DPYSL5: variants seen among roughly 807,000 people sequenced by gnomAD.
DPYSL5 encodes the protein dihydropyrimidinase like 5.
Under a neutral mutation model 58.4 loss-of-function variants are expected in DPYSL5, and 9 were observed. That is an observed-to-expected ratio of 0.15 (90% CI 0.09 to 0.27). The LOEUF (loss-of-function observed/expected upper bound fraction) is 0.27, where lower values mean the gene tolerates loss of function less well. Among genes scored for constraint, DPYSL5 ranks in the 10% least tolerant of loss-of-function variants. The pLI, the probability that DPYSL5 is intolerant of heterozygous loss-of-function variation, is 1.00. For synonymous variants in DPYSL5, 293 were observed against 301.9 expected (o/e 0.97, Z 0.31); for missense variants, 499 against 770.6 (o/e 0.65, Z 4.17).
At chr2:26,937,206 A>AT (rs1193960598) in intron 8 of DPYSL5, among the ~76,000 whole-genome samples, 1 of 152,146 alleles carries the variant, frequency 6.6e-6, no homozygotes, top group Non-Finnish European at 1.5e-5. Flanking sequence ...TCATTGAATA[A>AT]TTTAAGTTTT....
In DPYSL5 at chr2:26,925,756, C is replaced by T. The variant is rs1664816300; in HGVS notation, c.420+711C>T. Among the ~76,000 whole-genome samples the T allele has an allele frequency of 6.7e-6, 1 of 149,968 alleles. No individual in the cohort carries two copies. The highest frequency in any genetic ancestry group is 2.5e-5 in the African/African-American group (1 of 40,740). On this transcript the variant is annotated intron_variant, in intron 3 of 12. Coordinates refer to ENST00000288699, the MANE Select transcript of DPYSL5 (RefSeq NM_020134.4). This position sits in a 1 kb window ranked among gnomAD's most constrained non-coding sequence, Gnocchi z 4.5. ...TGCTCTTCCTAATCTACAGGCATTTCGATTTGGCTTTGTTTCTGGGGTTTT... is the reference window on the plus strand; with the variant it reads ...TGCTCTTCCTAATCTACAGGCATTTTGATTTGGCTTTGTTTCTGGGGTTTT...
chr2:26,931,513 TCTG>T, intron 5 of DPYSL5, 124 bp from the exon 6 acceptor site: 1 of 1,040,898 alleles, frequency 9.6e-7, no homozygotes, highest in Admixed American at 2.2e-5. Context: ...GGTTAGTGCC[TCTG>T]CCCGGGCTTT....
rs1453742947 is a variant in DPYSL5, at chr2:26,931,211, A to G, written c.670-429A>G. Among the ~76,000 whole-genome samples the G allele has an allele frequency of 6.6e-3, 495 of 75,390 alleles. 3 individuals carry two copies. The highest frequency in any genetic ancestry group is 0.014 in the African/African-American group (333 of 23,558). The allele number at this position is 75,390 out of a possible 152,430, so 49.5% of individuals were successfully genotyped here. A position where few individuals can be genotyped will look rare whatever the true frequency, so the allele number is the denominator to read the frequency against. The stretch of plus-strand genomic sequence containing the variant: ...TGTGTGTGTGTGTGTGTGTATATAT[A>G]TATATATATATATATATATGAATTA... On this transcript the variant is annotated intron_variant, in intron 5 of 12. Coordinates refer to ENST00000288699, the MANE Select transcript of DPYSL5 (RefSeq NM_020134.4).
chr2:26,877,876 G>T lies in DPYSL5; in HGVS notation c.-4-20620G>T, dbSNP rs1249529998. Among the ~76,000 whole-genome samples the T allele has an allele frequency of 6.6e-6, 1 of 152,116 alleles. No homozygotes were observed. The highest frequency in any genetic ancestry group is 1.5e-5 in the Non-Finnish European group (1 of 68,030). ...GAGATCTACAGAATCCTTTTCAATG[G>T]CTGCACAGCCCTCTATTGTGTGAAT... is the stretch of plus-strand genomic sequence containing the variant. On this transcript the variant is annotated intron_variant, in intron 1 of 12. Coordinates refer to ENST00000288699, the MANE Select transcript of DPYSL5 (RefSeq NM_020134.4). The surrounding 1 kb of genome is among the most constrained non-coding windows in gnomAD (Gnocchi z 4.1).
At position 26,931,203 on chromosome 2, in the gene DPYSL5, G is replaced by GTATATATATATATATATATATATATA. The variant is rs373034710; in HGVS notation, c.670-435_670-410dup. ...TGTGTGTGTGTGTGTGTGTGTGTGT[G>GTATATATATATATATATATATATATA]TATATATATATATATATATATATAT... On this transcript the variant is annotated intron_variant, in intron 5 of 12. Coordinates refer to ENST00000288699, the MANE Select transcript of DPYSL5 (RefSeq NM_020134.4). Among the ~76,000 whole-genome samples, 34 of 44,910 alleles carry GTATATATATATATATATATATATATA rather than the reference G, an allele frequency of 7.6e-4. 1 individual carries two copies. The highest frequency in any genetic ancestry group is 1.3e-3 in the South Asian group (1 of 788). 29.5% of individuals were successfully genotyped at this position (44,910 alleles called of 152,430 possible).
chr2:26,888,408 T>A (rs1663784500), intron 1 of DPYSL5, among the ~76,000 whole-genome samples: 2 of 151,958 alleles, frequency 1.3e-5, no homozygotes, highest in Admixed American at 6.6e-5. Flanking sequence ...GTAGCTGGGA[T>A]TACAGGTGCG....
Position 26,885,925 on chromosome 2 carries a change from G to A in DPYSL5, c.-4-12571G>A, listed in dbSNP as rs188858274. Among the ~76,000 whole-genome samples the A allele has an allele frequency of 1.5e-3, 226 of 152,308 alleles. 1 individual carries two copies. The highest frequency in any genetic ancestry group is 4.7e-4 in the Non-Finnish European group (32 of 68,028). On this transcript the variant is annotated intron_variant, in intron 1 of 12. Coordinates refer to ENST00000288699, the MANE Select transcript of DPYSL5 (RefSeq NM_020134.4). ...TCTCAGAGCAGTCTTCCTGGATGTC[G>A]ACCCTGGCCTGGGTTGGATAGGAAT... is the stretch of plus-strand genomic sequence containing the variant.
Position 26,877,477 on chromosome 2 carries a change from C to T in DPYSL5, c.-4-21019C>T, listed in dbSNP as rs1663443459. 6.6e-6 allele frequency among the ~76,000 whole-genome samples: 1 copy of T among 152,036 alleles called. No homozygotes were observed. The highest frequency in any genetic ancestry group is 1.5e-5 in the Non-Finnish European group (1 of 68,020). On this transcript the variant is annotated intron_variant, in intron 1 of 12. Coordinates refer to ENST00000288699, the MANE Select transcript of DPYSL5 (RefSeq NM_020134.4). This position sits in a 1 kb window ranked among gnomAD's most constrained non-coding sequence, Gnocchi z 4.1. ...TCTGTGCCTACTACATGTGCTCCAC[C>T]CCACACCTGCTGAGTACATGCTGGG...
At position 26,944,160 on chromosome 2, in the gene DPYSL5, G is replaced by A. The variant is rs1040734632; in HGVS notation, c.1441-496G>A. ...AAAAATTAGTCAGGCACGGTGGCAG[G>A]CGCCTGTAATCCTAGCTACTTGGGA... On this transcript the variant is annotated intron_variant, in intron 11 of 12. Transcript: ENST00000288699. The surrounding 1 kb of genome is among the most constrained non-coding windows in gnomAD (Gnocchi z 4.4). Among the ~76,000 whole-genome samples the A allele has an allele frequency of 4.6e-5, 7 of 152,086 alleles. No homozygotes were observed. Among genetic ancestry groups the A allele is most frequent in the African/African-American group, 1.7e-4 (7 of 41,418 alleles).
chr2:26,885,504 A>C (rs2148127438), intron 1 of DPYSL5, among the ~76,000 whole-genome samples: 1 of 152,220 alleles, frequency 6.6e-6, no homozygotes, highest in Middle Eastern at 3.4e-3. Flanking sequence ...CCCTCCCCCA[A>C]AATGGCACCT....
chr2:26,948,869 A>G lies in DPYSL5; in HGVS notation c.*1874A>G, dbSNP rs928113000. 3.3e-5 allele frequency: 5 copies of G among 152,140 alleles called. No individual in the cohort carries two copies. Among genetic ancestry groups the G allele is most frequent in the African/African-American group, 1.2e-4 (5 of 41,306 alleles). The allele number at this position is 152,140 out of a possible 1,614,324, so 9.4% of individuals were successfully genotyped here. On this transcript the variant is annotated 3_prime_UTR_variant, in exon 13 of 13. Coordinates refer to ENST00000288699, the MANE Select transcript of DPYSL5 (RefSeq NM_020134.4). ...GAGACTCCATCTCAAAAAACAGACA[A>G]ACAAAAAAGTCAGCCCCTGCACATC...
chr2:26,906,394 G>T (rs1572699505), intron 2 of DPYSL5, among the ~76,000 whole-genome samples: 2 of 152,158 alleles, frequency 1.3e-5, no homozygotes, highest in East Asian at 3.9e-4. Context: ...ATGTTGGCCA[G>T]GATGGTCTCT....
chr2:26,933,746 A>G lies in DPYSL5; in HGVS notation c.790+413A>G, dbSNP rs1665096668. Among the ~76,000 whole-genome samples, 1 of 152,154 alleles carries G rather than the reference A, an allele frequency of 6.6e-6. No homozygotes were observed. Among genetic ancestry groups the G allele is most frequent in the East Asian group, 1.9e-4 (1 of 5,186 alleles). On this transcript the variant is annotated intron_variant, in intron 7 of 12. Transcript: ENST00000288699. This position sits in a 1 kb window ranked among gnomAD's most constrained non-coding sequence, Gnocchi z 4.2. ...TTTGGGAAGTCCCTAAAGAAAGAAC[A>G]GTGTGTGGGCCCAGCTTCCTTTTAG...
chr2:26,865,875 C>G (rs1666128119), intron 1 of DPYSL5, among the ~76,000 whole-genome samples: 1 of 152,086 alleles, frequency 6.6e-6, no homozygotes, highest in African/African-American at 2.4e-5. Flanking sequence ...ACAGCCCTTG[C>G]CCCCCACCAG....
rs990335823 is a variant in DPYSL5 at position 26,870,684 on chromosome 2, G to A, written c.-5+22430G>A. 5.6e-5 allele frequency among the ~76,000 whole-genome samples: 8 copies of A among 143,734 alleles called. No homozygotes were observed. The South Asian group carries it at 6.5e-4, about 12-fold the overall frequency. The allele number at this position is 143,734 out of a possible 152,430, so 94.3% of individuals were successfully genotyped here. Reference sequence around the variant, plus strand: ...TCCGCCACTGCACTCCAGCCTGAGCGACATAGTAAGAAAGACTCTGTCTCA... The same window carrying A: ...TCCGCCACTGCACTCCAGCCTGAGCAACATAGTAAGAAAGACTCTGTCTCA... On this transcript the variant is annotated intron_variant, in intron 1 of 12. Transcript: ENST00000288699.
chr2:26,941,221 A>G (rs1665315137), intron 9 of DPYSL5, among the ~76,000 whole-genome samples: 1 of 152,156 alleles, frequency 6.6e-6, no homozygotes, highest in Non-Finnish European at 1.5e-5. Flanking sequence ...TACAGGCATG[A>G]GCCACTGCAC....
At position 26,942,356 on chromosome 2, in the gene DPYSL5, G is replaced by T. The variant is rs1665344852; in HGVS notation, c.1233-187G>T. 1.3e-5 allele frequency among the ~76,000 whole-genome samples: 2 copies of T among 152,052 alleles called. No homozygotes were observed. Among genetic ancestry groups the T allele is most frequent in the Admixed American group, 1.3e-4 (2 of 15,270 alleles). ...CTATATGACCTCACTTTATCTTAAT[G>T]ATTACATTAAAGGCCCTAAATAGTG... On this transcript the variant is annotated intron_variant, in intron 10 of 12. Transcript: ENST00000288699. This position sits in a 1 kb window ranked among gnomAD's most constrained non-coding sequence, Gnocchi z 5.9.
At chr2:26,907,003 G>A (rs1664311745) in intron 2 of DPYSL5, among the ~76,000 whole-genome samples, 1 of 152,176 alleles carries the variant, frequency 6.6e-6, no homozygotes, top group South Asian at 2.1e-4. Flanking sequence ...TTGGCTTCAA[G>A]CGATCCTCCT....
chr2:26,899,220 T>C (rs1382361672), intron 2 of DPYSL5, among the ~76,000 whole-genome samples: 1 of 152,186 alleles, frequency 6.6e-6, no homozygotes, highest in Non-Finnish European at 1.5e-5. Context: ...AGCTTGCTTG[T>C]TATTTTTAAA....
Sources: allele counts gnomAD v4.1 joint callset (sites outside exome capture counted in the v4.1 genomes callset), GRCh38; gene constraint gnomAD v4.1.1; non-coding constraint Gnocchi (gnomAD v3.1); transcripts MANE v1.5; gene names NCBI Gene and HGNC (gene_info 2026-07-23, HGNC 2026-07-21).